The following POU3F3 variants were observed in gnomAD, a reference collection of about 807,000 sequenced individuals.
The protein encoded by POU3F3 is POU class 3 homeobox 3.
In POU3F3, 1 loss-of-function variant was observed where a neutral mutation model predicts 8.6. The observed-to-expected ratio is 0.12, with a 90% CI of 0.04 to 0.55. POU3F3 has a LOEUF of 0.55. Ranked by LOEUF, POU3F3 falls within the 20% of genes least tolerant of loss-of-function variation. The probability of loss-of-function intolerance (pLI) is 0.91; values close to 1 mark genes in which losing one functional copy is unlikely to be tolerated. For synonymous variants in POU3F3, 418 were observed against 327.4 expected (o/e 1.28, Z -2.99); for missense variants, 577 against 690.7 (o/e 0.84, Z 1.84).
Position 104,857,594 on chromosome 2 carries a change from T to C in POU3F3, c.*581T>C, listed in dbSNP as rs537537158. On this transcript the variant is annotated 3_prime_UTR_variant, in exon 1 of 1. Transcript: ENST00000361360. ...CCTCCAAAACAGCTGCCTAAAGAGA[T>C]CCACGGAAACTTTATTTCCTGGGAG... 6.5e-6 allele frequency: 1 copy of C among 153,542 alleles called. No individual in the cohort carries two copies. The highest frequency in any genetic ancestry group is 6.5e-5 in the Admixed American group (1 of 15,272). The allele number at this position is 153,542 out of a possible 1,614,324, so 9.5% of individuals were successfully genotyped here.
the POU3F3 span, among the ~76,000 whole-genome samples, chr2:104,881,141 T>TCTTTCTTTC: frequency 1.3e-5 from 2 of 151,140 alleles, no homozygotes; most frequent in Admixed American, 6.6e-5. Context: ...TTTCTTTCTT[T>TCTTTCTTTC]CTTTCTTTCC....
the POU3F3 span, among the ~76,000 whole-genome samples, chr2:104,899,286 C>T: frequency 6.6e-6 from 1 of 152,216 alleles, no homozygotes; most frequent in Non-Finnish European, 1.5e-5. Flanking sequence ...AGCATGAGTG[C>T]TGTGTGAGCC....
At chr2:104,892,774 C>T in the POU3F3 span, among the ~76,000 whole-genome samples, 2 of 151,180 alleles carry the variant, frequency 1.3e-5, no homozygotes, top group Admixed American at 1.3e-4. Flanking sequence ...CTTTGAACTG[C>T]CTGGATCGAA....
chr2:104,919,286 C>A, the POU3F3 span, among the ~76,000 whole-genome samples: 2 of 152,232 alleles, frequency 1.3e-5, no homozygotes, highest in African/African-American at 4.8e-5. Context: ...AACTTCCCTG[C>A]ACATTGTCTT....
chr2:104,896,438 G>T, the POU3F3 span, among the ~76,000 whole-genome samples: 3 of 152,318 alleles, frequency 2.0e-5, no homozygotes, highest in East Asian at 5.8e-4. Context: ...AACCCCAGAA[G>T]CTTGTGAGGG....
the POU3F3 span, among the ~76,000 whole-genome samples, chr2:104,870,627 G>A: frequency 1.3e-5 from 2 of 152,216 alleles, no homozygotes; most frequent in Admixed American, 1.3e-4. Context: ...ACATCAAGAT[G>A]AACTGCTGGC....
the POU3F3 span, among the ~76,000 whole-genome samples, chr2:104,917,513 T>C: frequency 6.6e-6 from 1 of 151,930 alleles, no homozygotes; most frequent in African/African-American, 2.4e-5. Flanking sequence ...AACAGGTTCT[T>C]CTGAAGAAGT....
chr2:104,863,832 G>A, the POU3F3 span, among the ~76,000 whole-genome samples: 2 of 152,238 alleles, frequency 1.3e-5, no homozygotes, highest in African/African-American at 4.8e-5. Context: ...AGAAGTCAGA[G>A]CGGAACAGCC....
chr2:104,903,008 G>A, the POU3F3 span, among the ~76,000 whole-genome samples: 1 of 152,132 alleles, frequency 6.6e-6, no homozygotes, highest in African/African-American at 2.4e-5. Flanking sequence ...AGAATGTAAT[G>A]TCATATCGCT....
the POU3F3 span, among the ~76,000 whole-genome samples, chr2:104,880,865 C>G: frequency 2.0e-5 from 3 of 152,006 alleles, no homozygotes; most frequent in East Asian, 3.9e-4. Context: ...GTGGGCTATT[C>G]CACTAGATAA....
At chr2:104,868,260 C>G in the POU3F3 span, 1 of 456,600 alleles carries the variant, frequency 2.2e-6, no homozygotes, top group South Asian at 1.5e-5. Flanking sequence ...GGGCTCAGCG[C>G]AGAGCGGGCG....
Position 104,857,020 on chromosome 2 carries a change from G to A in POU3F3, c.*7G>A, listed in dbSNP as rs1160109799. 2 of 1,569,734 alleles carry A rather than the reference G, an allele frequency of 1.3e-6. No homozygotes were observed. The highest frequency in any genetic ancestry group is 1.7e-6 in the Non-Finnish European group (2 of 1,158,776). On this transcript the variant is annotated 3_prime_UTR_variant, in exon 1 of 1. Coordinates refer to ENST00000361360, the MANE Select transcript of POU3F3 (RefSeq NM_006236.3). ...GCAGACGAGCGTTCAGTGAAGCCAG[G>A]GCGCAGAGCGAAGAGGGCCGCCGCC...
rs1233633173 is a variant in POU3F3 at position 104,855,130 on chromosome 2, G to T, written c.-381G>T. Among the ~76,000 whole-genome samples, 2 of 151,770 alleles carry T rather than the reference G, an allele frequency of 1.3e-5. No individual in the cohort carries two copies. Among genetic ancestry groups the T allele is most frequent in the East Asian group, 2.0e-4 (1 of 5,126 alleles). ...GAGCCCAGCGCGCCGGGGCTGGGGGGCGGCCACGACCCCCCCTGAAGGGGG... is the reference window on the plus strand; with the variant it reads ...GAGCCCAGCGCGCCGGGGCTGGGGGTCGGCCACGACCCCCCCTGAAGGGGG... On this transcript the variant is annotated 5_prime_UTR_variant, in exon 1 of 1. Transcript: ENST00000361360.
rs1393463992 is a variant in POU3F3 at position 104,855,154 on chromosome 2, G to A, written c.-357G>A. Among the ~76,000 whole-genome samples the A allele has an allele frequency of 1.3e-4, 20 of 151,714 alleles. No homozygotes were observed. The highest frequency in any genetic ancestry group is 2.8e-4 in the Non-Finnish European group (19 of 67,872). ...GGCGGCCACGACCCCCCCTGAAGGG[G>A]GTGGCCACGGAGCGCACCCCGAGAA... On this transcript the variant is annotated 5_prime_UTR_variant, in exon 1 of 1. Transcript: ENST00000361360.
chr2:104,918,958 G>A, the POU3F3 span, among the ~76,000 whole-genome samples: 3 of 148,950 alleles, frequency 2.0e-5, no homozygotes, highest in South Asian at 2.1e-4. Context: ...CCCAACCTCC[G>A]CTTCCCAGGT....
chr2:104,893,462 T>G, the POU3F3 span, among the ~76,000 whole-genome samples: 4 of 152,248 alleles, frequency 2.6e-5, no homozygotes, highest in Non-Finnish European at 5.9e-5. Flanking sequence ...TCTCTGGGTA[T>G]CTGCAGAGGG....
At chr2:104,874,003 C>G in the POU3F3 span, among the ~76,000 whole-genome samples, 1 of 152,230 alleles carries the variant, frequency 6.6e-6, no homozygotes, top group Non-Finnish European at 1.5e-5. Flanking sequence ...CGAAGAGGCC[C>G]GAGGCAGGCG....
At chr2:104,864,216 C>T in the POU3F3 span, among the ~76,000 whole-genome samples, 1 of 152,236 alleles carries the variant, frequency 6.6e-6, no homozygotes, top group Non-Finnish European at 1.5e-5. Context: ...CCCAGTCCGC[C>T]CGCCAAGGAG....
chr2:104,923,337 G>T, the POU3F3 span, among the ~76,000 whole-genome samples: 1 of 152,132 alleles, frequency 6.6e-6, no homozygotes. Context: ...TATTTGTTTG[G>T]TTTTGGCCAT....
Sources: gnomAD v4.1 joint callset for allele counts (sites outside exome capture counted in the v4.1 genomes callset) on GRCh38, gnomAD v4.1.1 for gene constraint, MANE v1.5 for transcripts, NCBI Gene and HGNC (gene_info 2026-07-23, HGNC 2026-07-21) for gene names.